FAM178B: variants seen among roughly 807,000 people sequenced by gnomAD.
The protein encoded by FAM178B is protein FAM178B.
In FAM178B, 82 loss-of-function variants were observed where a neutral mutation model predicts 91.7. The observed-to-expected ratio is 0.89, with a 90% CI of 0.75 to 1.07. The LOEUF is 1.07. Among genes scored for constraint, FAM178B ranks in the 50% least tolerant of loss-of-function variants. The pLI is 0.00. For synonymous variants in FAM178B, 368 were observed against 359.4 expected, an observed-to-expected ratio of 1.02 and a Z score of -0.27; for missense variants, 769 against 846.7, an observed-to-expected ratio of 0.91 and a Z score of 1.14.
intron 16 of FAM178B, 29 bp from the exon 17 acceptor site, chr2:96,876,337 G>C: frequency 6.3e-7 from 1 of 1,584,720 alleles, no homozygotes; most frequent in Non-Finnish European, 8.6e-7. Context: ...CAGGCTGTGA[G>C]GGCCTGGGCC....
intron 8 of FAM178B, among the ~76,000 whole-genome samples, chr2:96,936,507 T>TTC (rs1308536231): frequency 2.8e-5 from 4 of 141,852 alleles, no homozygotes; most frequent in African/African-American, 1.2e-4. Context: ...GGTTTTTTTT[T>TTC]TTTGGTTGTT....
intron 12 of FAM178B, among the ~76,000 whole-genome samples, chr2:96,903,784 C>T (rs758934687): frequency 3.9e-5 from 6 of 152,176 alleles, no homozygotes; most frequent in Non-Finnish European, 7.3e-5. Flanking sequence ...CCTGGGTGAA[C>T]GGGAACTGAG....
chr2:96,950,211 G>C, intron 7 of FAM178B: 1 of 974,434 alleles, frequency 1.0e-6, no homozygotes, highest in Admixed American at 6.1e-5. Context: ...CCCAATGCTC[G>C]ATTGTGTGTT....
At chr2:96,977,035 A>C (rs1372044034) in intron 1 of FAM178B, among the ~76,000 whole-genome samples, 3 of 151,096 alleles carry the variant, frequency 2.0e-5, no homozygotes, top group Non-Finnish European at 4.4e-5. Context: ...TCTGTACTAA[A>C]AATACAAAAA....
intron 1 of FAM178B, among the ~76,000 whole-genome samples, chr2:96,978,817 G>A (rs533874178): frequency 6.6e-6 from 1 of 151,834 alleles, no homozygotes; most frequent in East Asian, 1.9e-4. Flanking sequence ...AGCAGGGACG[G>A]GGTTTCACCA....
intron 9 of FAM178B, among the ~76,000 whole-genome samples, chr2:96,926,399 G>A (rs994578656): frequency 1.3e-5 from 2 of 152,228 alleles, no homozygotes; most frequent in African/African-American, 4.8e-5. Flanking sequence ...GCGCATCAGA[G>A]CAGGGCTCTA....
rs1275859289 is a variant in FAM178B, at chr2:96,923,564, C to A, written c.1213G>T (p.Gly405Cys). 1.4e-5 allele frequency: 21 copies of A among 1,551,670 alleles called. No individual in the cohort carries two copies. Among genetic ancestry groups the A allele is most frequent in the Non-Finnish European group, 1.6e-5 (18 of 1,146,954 alleles). ...HGGRVLPGEA[G>C]LNENEEQDAP... ...TCCTGCTCCTCATTCTCATTCAGGCCAGCCTCGCCTGGAAGCACCCTGTGG... is the reference window on the plus strand; with the variant it reads ...TCCTGCTCCTCATTCTCATTCAGGCAAGCCTCGCCTGGAAGCACCCTGTGG... The change falls in exon 10 of 17, where the codon GGC becomes TGC. Residue 405 changes from glycine (G) to cysteine (C), a missense_variant. Gly to Cys is a radical substitution (Grantham distance 159). Transcript: ENST00000490605.
At chr2:96,945,498 A>T (rs1441638998) in intron 8 of FAM178B, among the ~76,000 whole-genome samples, 1 of 152,172 alleles carries the variant, frequency 6.6e-6, no homozygotes, top group Non-Finnish European at 1.5e-5. Flanking sequence ...CACACAAACA[A>T]ATCTCCTGTT....
intron 8 of FAM178B, among the ~76,000 whole-genome samples, chr2:96,931,230 C>T (rs1394004526): frequency 1.3e-5 from 2 of 152,096 alleles, no homozygotes; most frequent in Non-Finnish European, 2.9e-5. Context: ...GGGTGAGTGT[C>T]CCACCCTGAG....
At chr2:96,886,997 G>A (rs6708171) in intron 14 of FAM178B, among the ~76,000 whole-genome samples, 11,985 of 152,172 alleles carry the variant, frequency 0.079, 508 homozygotes, top group Middle Eastern at 0.15. Context: ...GGCGGATCAC[G>A]AGGTCAGGAG....
At chr2:96,917,290 G>A (rs753728542) in intron 12 of FAM178B, among the ~76,000 whole-genome samples, 4 of 152,260 alleles carry the variant, frequency 2.6e-5, no homozygotes, top group Non-Finnish European at 5.9e-5. Flanking sequence ...CACTGATCCC[G>A]ATAAGGCACC....
intron 7 of FAM178B, among the ~76,000 whole-genome samples, chr2:96,948,315 C>T (rs1005091025): frequency 6.6e-6 from 1 of 152,238 alleles, no homozygotes; most frequent in Admixed American, 6.5e-5. Context: ...AGGACAATCA[C>T]AGGGTGGGCC....
intron 9 of FAM178B, among the ~76,000 whole-genome samples, chr2:96,926,949 C>G (rs928840460): frequency 2.0e-5 from 3 of 152,216 alleles, no homozygotes; most frequent in African/African-American, 7.2e-5. Context: ...ATCCGTTCCC[C>G]TGGATGGAGG....
intron 1 of FAM178B, among the ~76,000 whole-genome samples, chr2:96,985,402 C>G (rs1056720116): frequency 6.6e-6 from 1 of 152,172 alleles, no homozygotes; most frequent in Non-Finnish European, 1.5e-5. Flanking sequence ...GCTCTTGTCT[C>G]CCCGAATCCT....
chr2:96,953,810 C>T (rs900855790), intron 6 of FAM178B, among the ~76,000 whole-genome samples: 1 of 152,212 alleles, frequency 6.6e-6, no homozygotes, highest in Non-Finnish European at 1.5e-5. Context: ...CCACGCCCTT[C>T]AGGTTATCAC....
intron 1 of FAM178B, among the ~76,000 whole-genome samples, chr2:96,980,759 T>C (rs2082350835): frequency 6.6e-6 from 1 of 152,176 alleles, no homozygotes; most frequent in Non-Finnish European, 1.5e-5. Context: ...CACCTTTTCA[T>C]ATGGAGTCCT....
At position 96,923,472 on chromosome 2, in the gene FAM178B, G is replaced by A. The variant is rs373067070; in HGVS notation, c.1287+18C>T. Reference sequence around the variant, plus strand: ...GTAAGCCGAGAGTGCCCTGCATGAGGCAGGCGGCTTGACTCACCTTGTAGA... The same window carrying A: ...GTAAGCCGAGAGTGCCCTGCATGAGACAGGCGGCTTGACTCACCTTGTAGA... On this transcript the variant is annotated intron_variant, in intron 10 of 16. Coordinates refer to ENST00000490605, the MANE Select transcript of FAM178B (RefSeq NM_001122646.3). The A allele has an allele frequency of 5.6e-5, 87 of 1,540,580 alleles. No individual in the cohort carries two copies. The East Asian group carries it at 7.6e-4, about 13-fold the overall frequency.
At chr2:96,915,831 A>G (rs1330189598) in intron 12 of FAM178B, among the ~76,000 whole-genome samples, 2 of 152,026 alleles carry the variant, frequency 1.3e-5, no homozygotes, top group Non-Finnish European at 2.9e-5. Context: ...AAAAGAAAAA[A>G]AGAAAGGGGG....
At chr2:96,970,603 C>CT (rs2082204412) in intron 4 of FAM178B, 113 bp downstream of exon 4, 1 of 788,202 alleles carries the variant, frequency 1.3e-6, no homozygotes, top group African/African-American at 1.7e-5. Flanking sequence ...ACAGGGCAGG[C>CT]TGAGTCTGGG....
Sources: gnomAD v4.1 joint callset for allele counts (sites outside exome capture counted in the v4.1 genomes callset) on GRCh38, gnomAD v4.1.1 for gene constraint, MANE v1.5 for transcripts, NCBI Gene and HGNC (gene_info 2026-07-23, HGNC 2026-07-21) for gene names.